The following NXPH1 variants were observed in gnomAD, a reference collection of about 807,000 sequenced individuals.
NXPH1 encodes neurexophilin-1.
In NXPH1, 5 loss-of-function variants were observed where a neutral mutation model predicts 23.7. The observed-to-expected ratio is 0.21, with a 90% CI of 0.11 to 0.44. The LOEUF is 0.44. Ranked by LOEUF, NXPH1 falls within the 20% of genes least tolerant of loss-of-function variation. The pLI, the probability that NXPH1 is intolerant of heterozygous loss-of-function variation, is 0.99. For missense variants in NXPH1, 324 were observed against 321.6 expected (o/e 1.01, Z -0.06); for synonymous variants, 144 against 122.2 (o/e 1.18, Z -1.18).
intron 2 of NXPH1, among the ~76,000 whole-genome samples, chr7:8,640,004 C>A (rs1255556024): frequency 6.6e-6 from 1 of 152,152 alleles, no homozygotes; most frequent in East Asian, 1.9e-4. Context: ...AGTTTGACAA[C>A]TTTTCTACTC....
At chr7:8,709,621 G>C (rs1409302466) in intron 2 of NXPH1, among the ~76,000 whole-genome samples, 2 of 152,062 alleles carry the variant, frequency 1.3e-5, no homozygotes, top group African/African-American at 4.8e-5. Context: ...GTTTTATAAA[G>C]AATTTAAACA....
chr7:8,574,167 T>C (rs562311816), intron 2 of NXPH1, among the ~76,000 whole-genome samples: 2 of 152,296 alleles, frequency 1.3e-5, no homozygotes, highest in Non-Finnish European at 2.9e-5. Flanking sequence ...TTGCACCTTT[T>C]CCCTAAGTGT....
At chr7:8,575,285 T>G (rs549791883) in intron 2 of NXPH1, among the ~76,000 whole-genome samples, 4 of 152,310 alleles carry the variant, frequency 2.6e-5, no homozygotes, top group African/African-American at 9.6e-5. Context: ...TACTCTTTTA[T>G]TTTTGAATTT....
intron 2 of NXPH1, among the ~76,000 whole-genome samples, chr7:8,669,500 G>A (rs1018777393): frequency 6.6e-6 from 1 of 152,208 alleles, no homozygotes; most frequent in African/African-American, 2.4e-5. Flanking sequence ...TTTGGCACTA[G>A]CTTGGAGGTT....
intron 2 of NXPH1, among the ~76,000 whole-genome samples, chr7:8,472,935 T>C (rs1369676428): frequency 2.6e-5 from 4 of 152,164 alleles, no homozygotes; most frequent in Non-Finnish European, 4.4e-5. Flanking sequence ...TCAGTTTCTC[T>C]ATAGTCCAAC....
At chr7:8,619,192 C>T (rs1030755473) in intron 2 of NXPH1, among the ~76,000 whole-genome samples, 3 of 151,996 alleles carry the variant, frequency 2.0e-5, no homozygotes, top group South Asian at 2.1e-4. Flanking sequence ...TTTGAGGTGG[C>T]GTGCATTTTG....
intron 2 of NXPH1, among the ~76,000 whole-genome samples, chr7:8,618,228 T>C (rs1232406942): frequency 6.6e-6 from 1 of 152,170 alleles, no homozygotes; most frequent in Non-Finnish European, 1.5e-5. Flanking sequence ...TTTTGGGATC[T>C]ATTTTATGGT....
At chr7:8,619,240 TC>T (rs1263329165) in intron 2 of NXPH1, among the ~76,000 whole-genome samples, 5 of 152,280 alleles carry the variant, frequency 3.3e-5, no homozygotes, top group Admixed American at 3.3e-4. Context: ...AATTAGGTCC[TC>T]TGTAATAGTC....
chr7:8,539,982 A>ATT (rs568708945), intron 2 of NXPH1, among the ~76,000 whole-genome samples: 20 of 151,784 alleles, frequency 1.3e-4, no homozygotes, highest in Non-Finnish European at 2.2e-4. Flanking sequence ...GTTTTAGATA[A>ATT]TTTACTTTGT....
At chr7:8,679,377 C>T (rs535912458) in intron 2 of NXPH1, among the ~76,000 whole-genome samples, 24 of 152,186 alleles carry the variant, frequency 1.6e-4, no homozygotes, top group Middle Eastern at 6.8e-3. Flanking sequence ...ATTGGGGTGC[C>T]GCACTGGAGA....
chr7:8,500,768 C>A (rs996832177), intron 2 of NXPH1, among the ~76,000 whole-genome samples: 1 of 152,066 alleles, frequency 6.6e-6, no homozygotes, highest in African/African-American at 2.4e-5. Flanking sequence ...ACAGATTCAA[C>A]GTCTTTTACT....
chr7:8,642,676 CTT>C (rs2115144642), intron 2 of NXPH1, among the ~76,000 whole-genome samples: 1 of 151,992 alleles, frequency 6.6e-6, no homozygotes, highest in Admixed American at 6.5e-5. Flanking sequence ...TAAATAATGA[CTT>C]TTTATCTATT....
At chr7:8,575,602 C>T (rs570803226) in intron 2 of NXPH1, among the ~76,000 whole-genome samples, 9 of 152,268 alleles carry the variant, frequency 5.9e-5, no homozygotes, top group African/African-American at 2.2e-4. Flanking sequence ...GTTCTGTAAG[C>T]TCCATATTTT....
intron 2 of NXPH1, among the ~76,000 whole-genome samples, chr7:8,656,311 ATAAT>A (rs1275403034): frequency 6.6e-6 from 1 of 152,208 alleles, no homozygotes; most frequent in African/African-American, 2.4e-5. Context: ...GAATAAATGA[ATAAT>A]TAATAAAAGC....
intron 2 of NXPH1, among the ~76,000 whole-genome samples, chr7:8,672,473 TA>T (rs1043800171): frequency 6.8e-6 from 1 of 147,330 alleles, no homozygotes; most frequent in Admixed American, 6.7e-5. Flanking sequence ...AGTATAATAA[TA>T]AAAAAAGATT....
At chr7:8,485,101 T>G (rs1241827078) in intron 2 of NXPH1, among the ~76,000 whole-genome samples, 1 of 152,116 alleles carries the variant, frequency 6.6e-6, no homozygotes, top group Non-Finnish European at 1.5e-5. Context: ...AGGAGACATG[T>G]CATGGGAGGG....
At chr7:8,546,713 C>T (rs188227490) in intron 2 of NXPH1, among the ~76,000 whole-genome samples, 6 of 151,492 alleles carry the variant, frequency 4.0e-5, no homozygotes, top group African/African-American at 1.2e-4. Context: ...CCCAGTGACC[C>T]CTCTTCCCTG....
intron 2 of NXPH1, among the ~76,000 whole-genome samples, chr7:8,742,180 G>A (rs1780378779): frequency 6.6e-6 from 1 of 152,062 alleles, no homozygotes; most frequent in African/African-American, 2.4e-5. Flanking sequence ...GTAAGTCTAT[G>A]GCCAGTAAAG....
intron 2 of NXPH1, among the ~76,000 whole-genome samples, chr7:8,491,696 G>A (rs867201191): frequency 6.6e-6 from 1 of 151,936 alleles, no homozygotes; most frequent in Non-Finnish European, 1.5e-5. Flanking sequence ...GTACCACCAC[G>A]GACTGTTAGA....
Sources: gnomAD v4.1 joint callset for allele counts (sites outside exome capture counted in the v4.1 genomes callset) on GRCh38, gnomAD v4.1.1 for gene constraint, MANE v1.5 for transcripts, NCBI Gene and HGNC (gene_info 2026-07-23, HGNC 2026-07-21) for gene names.